PDE3B: variants seen among roughly 807,000 people sequenced by gnomAD.
PDE3B encodes cGMP-inhibited 3',5'-cyclic phosphodiesterase 3B.
Under a neutral mutation model 116.8 loss-of-function variants are expected in PDE3B, and 66 were observed. The ratio of observed to expected loss-of-function variants is 0.56; its 90% CI spans 0.46 to 0.69. PDE3B has a LOEUF of 0.69. PDE3B is among the 30% of genes least tolerant of loss of function. The probability of loss-of-function intolerance (pLI) is 0.00; values close to 1 mark genes in which losing one functional copy is unlikely to be tolerated. For missense variants in PDE3B, 1,384 were observed against 1,368.1 expected, an observed-to-expected ratio of 1.01 and a Z score of -0.18; for synonymous variants, 595 against 533.6, an observed-to-expected ratio of 1.12 and a Z score of -1.59.
At chr11:14,890,684 C>CTA in the PDE3B span, among the ~76,000 whole-genome samples, 1 of 151,564 alleles carries the variant, frequency 6.6e-6, no homozygotes, top group African/African-American at 2.4e-5. Flanking sequence ...ATAGCTGGGA[C>CTA]TACAGGTGCC....
chr11:14,704,041 G>T (rs1037248635), intron 1 of PDE3B, among the ~76,000 whole-genome samples: 1 of 151,548 alleles, frequency 6.6e-6, no homozygotes, highest in Non-Finnish European at 1.5e-5. Context: ...TGACCATGTG[G>T]CTTGATATGT....
downstream of PDE3B, among the ~76,000 whole-genome samples, chr11:14,876,475 A>T (rs1203943936): frequency 6.6e-6 from 1 of 152,194 alleles, no homozygotes; most frequent in African/African-American, 2.4e-5. Context: ...TTAGATAACT[A>T]CACCACCCAT....
chr11:14,741,309 G>A (rs1480468248), intron 1 of PDE3B, among the ~76,000 whole-genome samples: 2 of 151,996 alleles, frequency 1.3e-5, no homozygotes, highest in African/African-American at 2.4e-5. Context: ...TATATATTTA[G>A]GATAGTTAGC....
At chr11:14,662,365 G>A (rs977017023) in intron 1 of PDE3B, among the ~76,000 whole-genome samples, 3 of 152,148 alleles carry the variant, frequency 2.0e-5, no homozygotes, top group African/African-American at 7.2e-5. Flanking sequence ...GGAAAAAACA[G>A]AGCAGAAAAA....
chr11:14,665,584 G>A (rs112514233), intron 1 of PDE3B, among the ~76,000 whole-genome samples: 11 of 152,158 alleles, frequency 7.2e-5, no homozygotes, highest in South Asian at 2.1e-4. Context: ...AGGATACAAA[G>A]TCAATGTACA....
At chr11:14,652,638 T>C (rs982392487) in intron 1 of PDE3B, among the ~76,000 whole-genome samples, 1 of 152,186 alleles carries the variant, frequency 6.6e-6, no homozygotes, top group Non-Finnish European at 1.5e-5. Flanking sequence ...CAGATCTCCC[T>C]ATCTTTTCCA....
chr11:14,760,206 C>T (rs1857318211), intron 1 of PDE3B, among the ~76,000 whole-genome samples: 1 of 152,052 alleles, frequency 6.6e-6, no homozygotes, highest in South Asian at 2.1e-4. Flanking sequence ...AAGGTTGTTT[C>T]AAGTTTTAAG....
chr11:14,697,128 G>A (rs1486920654), intron 1 of PDE3B, among the ~76,000 whole-genome samples: 3 of 151,904 alleles, frequency 2.0e-5, no homozygotes. Context: ...TATAGAGGTA[G>A]GGTCTTACCA....
intron 4 of PDE3B, among the ~76,000 whole-genome samples, chr11:14,802,375 C>T (rs1278117479): frequency 3.3e-5 from 5 of 152,152 alleles, no homozygotes; most frequent in African/African-American, 1.2e-4. Flanking sequence ...CGGCACAGTT[C>T]CTCACAGCTT....
Position 14,644,470 on chromosome 11 carries a change from T to G in PDE3B, c.395T>G (p.Leu132Arg). Residue 132 changes from leucine (L) to arginine (R), a missense_variant, in exon 1 of 16, where the codon CTC (leucine) becomes CGC (arginine). Physicochemically the swap from Leu to Arg is moderately radical, Grantham distance 102 (BLOSUM62 -2). Around this residue, in one of 2 missense-constraint regions of PDE3B, gnomAD observed 956 missense variants for 806.8 expected, o/e 1.18. Transcript: ENST00000282096. ...LFSIACAFFFLTCFLTRTKRG... is the reference protein window; with the variant it reads ...LFSIACAFFFRTCFLTRTKRG... ...AGCATCGCCTGTGCCTTCTTCTTCC[T>G]CACCTGCTTCCTCACCCGGACCAAG... The G allele has an allele frequency of 1.9e-6, 3 of 1,612,904 alleles. No individual in the cohort carries two copies. The highest frequency in any genetic ancestry group is 2.5e-6 in the Non-Finnish European group (3 of 1,179,504).
At chr11:14,681,358 G>T (rs1395835100) in intron 1 of PDE3B, among the ~76,000 whole-genome samples, 3 of 152,110 alleles carry the variant, frequency 2.0e-5, no homozygotes, top group African/African-American at 7.2e-5. Flanking sequence ...CTTCCAGTGG[G>T]AAGTAATTGA....
intron 1 of PDE3B, among the ~76,000 whole-genome samples, chr11:14,742,373 T>C (rs752149891): frequency 6.6e-6 from 1 of 152,224 alleles, no homozygotes; most frequent in Non-Finnish European, 1.5e-5. Context: ...ACTTGATGAG[T>C]TCAGCTATCG....
At chr11:14,836,584 G>A (rs1425131012) in intron 11 of PDE3B, among the ~76,000 whole-genome samples, 1 of 152,120 alleles carries the variant, frequency 6.6e-6, no homozygotes, top group East Asian at 1.9e-4. Flanking sequence ...CCAAAAGTCT[G>A]TATTAGTTTC....
chr11:14,848,071 T>A (rs1847651971), intron 12 of PDE3B, among the ~76,000 whole-genome samples: 1 of 149,330 alleles, frequency 6.7e-6, no homozygotes, highest in South Asian at 2.2e-4. Context: ...TTGATGAACA[T>A]TGATGCAAAA....
intron 1 of PDE3B, among the ~76,000 whole-genome samples, chr11:14,709,420 G>A (rs1855631749): frequency 6.6e-6 from 1 of 152,076 alleles, no homozygotes; most frequent in Non-Finnish European, 1.5e-5. Context: ...CATCGGTGTG[G>A]ATTAAAGTCA....
At chr11:14,758,327 C>G (rs1463086276) in intron 1 of PDE3B, among the ~76,000 whole-genome samples, 2 of 137,160 alleles carry the variant, frequency 1.5e-5, no homozygotes, top group African/African-American at 5.5e-5. Flanking sequence ...GTAGTTTTTT[C>G]CAATTCTGTG....
At chr11:14,833,257 A>C (rs1366598940) in intron 10 of PDE3B, among the ~76,000 whole-genome samples, 1 of 152,150 alleles carries the variant, frequency 6.6e-6, no homozygotes, top group African/African-American at 2.4e-5. Context: ...CTGGCCTGAA[A>C]AATTTTTAAA....
chr11:14,849,316 C>T (rs1847687193), intron 12 of PDE3B, among the ~76,000 whole-genome samples: 3 of 151,666 alleles, frequency 2.0e-5, no homozygotes, highest in Admixed American at 2.0e-4. Context: ...CCCTTCCTTA[C>T]ACCTTATACA....
chr11:14,673,800 G>T, intron 1 of PDE3B: 1 of 843,324 alleles, frequency 1.2e-6, no homozygotes, highest in Non-Finnish European at 2.1e-6. Flanking sequence ...GGACATGGGT[G>T]CCTTGGGGTG....
Sources: allele counts gnomAD v4.1 joint callset (sites outside exome capture counted in the v4.1 genomes callset), GRCh38; gene constraint gnomAD v4.1.1; regional missense constraint gnomAD v4.1.1; transcripts MANE v1.5; gene names NCBI Gene and HGNC (gene_info 2026-07-23, HGNC 2026-07-21).